Variants in ANKRD6 observed in about 807,000 individuals in gnomAD.
The protein encoded by ANKRD6 is ankyrin repeat domain-containing protein 6.
ANKRD6 carries 56 observed loss-of-function variants against 82.3 expected under a neutral mutation model. That is an observed-to-expected ratio of 0.68 (90% CI 0.55 to 0.85). The LOEUF (loss-of-function observed/expected upper bound fraction) is 0.85, where lower values mean the gene tolerates loss of function less well. Ranked by LOEUF, ANKRD6 falls within the 40% of genes least tolerant of loss-of-function variation. ANKRD6 has a pLI of 0.00. For missense variants in ANKRD6, 852 were observed against 907.6 expected (o/e 0.94, Z 0.79); for synonymous variants, 347 against 352.1 (o/e 0.99, Z 0.16).
chr6:89,523,216 G>A (rs1406949159), intron 1 of ANKRD6, among the ~76,000 whole-genome samples: 1 of 152,214 alleles, frequency 6.6e-6, no homozygotes, highest in Non-Finnish European at 1.5e-5. Context: ...CGTTAGACAA[G>A]ATTAGCATCT....
chr6:89,627,791 A>T lies in ANKRD6; in HGVS notation c.1485+95A>T, dbSNP rs1359609669. Reference sequence around the variant, plus strand: ...TGCCACTGAAAACTCAGAGGCTGAGACTCCCTAAGAGCTTTTACATTATAT... The same window carrying T: ...TGCCACTGAAAACTCAGAGGCTGAGTCTCCCTAAGAGCTTTTACATTATAT... On this transcript the variant is annotated intron_variant, in intron 14 of 15. Coordinates refer to ENST00000339746, the MANE Select transcript of ANKRD6 (RefSeq NM_001242809.2). The T allele has an allele frequency of 6.0e-6, 6 of 993,086 alleles. No individual in the cohort carries two copies. The Admixed American group carries it at 1.3e-4, about 21-fold the overall frequency. 61.5% of individuals were successfully genotyped at this position (993,086 alleles called of 1,614,324 possible).
intron 1 of ANKRD6, among the ~76,000 whole-genome samples, chr6:89,466,891 G>A (rs140751986): frequency 4.6e-5 from 7 of 152,214 alleles, no homozygotes; most frequent in African/African-American, 1.4e-4. Flanking sequence ...TCTTTTTATA[G>A]AAATGGGGTC....
chr6:89,583,617 A>G (rs975530228), intron 2 of ANKRD6, among the ~76,000 whole-genome samples: 1 of 152,114 alleles, frequency 6.6e-6, no homozygotes, highest in Admixed American at 6.5e-5. Flanking sequence ...ATTGAGGAGA[A>G]CAAGCTTCAG....
intron 1 of ANKRD6, among the ~76,000 whole-genome samples, chr6:89,539,741 C>CTTTTTTTTTTTTTTTTTTTTT (rs570865099): frequency 7.0e-6 from 1 of 142,658 alleles, no homozygotes; most frequent in Admixed American, 7.1e-5. Flanking sequence ...AGGTCTTATT[C>CTTTTTTTTTTTTTTTTTTTTT]TTTTTTTTTT....
chr6:89,496,637 C>G (rs138651827), intron 1 of ANKRD6, among the ~76,000 whole-genome samples: 1 of 152,122 alleles, frequency 6.6e-6, no homozygotes, highest in Non-Finnish European at 1.5e-5. Flanking sequence ...ATTCTCCTGC[C>G]TCAGCCTCCC....
At chr6:89,512,518 C>T (rs997898646) in intron 1 of ANKRD6, among the ~76,000 whole-genome samples, 5 of 152,146 alleles carry the variant, frequency 3.3e-5, no homozygotes, top group African/African-American at 4.8e-5. Context: ...TTTGGGGATC[C>T]CATACTGTCA....
chr6:89,556,361 A>G (rs1786600914), intron 1 of ANKRD6, among the ~76,000 whole-genome samples: 1 of 152,272 alleles, frequency 6.6e-6, no homozygotes, highest in South Asian at 2.1e-4. Flanking sequence ...GTCAAGTTAA[A>G]GAAATCCCAA....
At chr6:89,508,096 T>G (rs1327688098) in intron 1 of ANKRD6, among the ~76,000 whole-genome samples, 1 of 152,246 alleles carries the variant, frequency 6.6e-6, no homozygotes, top group Non-Finnish European at 1.5e-5. Context: ...CCTGTATTCA[T>G]TATTTATTGC....
chr6:89,461,679 T>C (rs1774160247), intron 1 of ANKRD6, among the ~76,000 whole-genome samples: 1 of 152,204 alleles, frequency 6.6e-6, no homozygotes, highest in African/African-American at 2.4e-5. Flanking sequence ...CTCTCTAGTG[T>C]ATTAGATAAG....
chr6:89,472,707 C>T (rs1181630705), intron 1 of ANKRD6, among the ~76,000 whole-genome samples: 1 of 152,160 alleles, frequency 6.6e-6, no homozygotes, highest in African/African-American at 2.4e-5. Context: ...AAAGACCACT[C>T]AGTCTCACTG....
intron 1 of ANKRD6, among the ~76,000 whole-genome samples, chr6:89,519,983 C>T (rs1231981135): frequency 6.6e-6 from 1 of 152,222 alleles, no homozygotes; most frequent in Admixed American, 6.5e-5. Context: ...TTTGGTACCT[C>T]TTTTCATTTC....
intron 1 of ANKRD6, among the ~76,000 whole-genome samples, chr6:89,458,297 A>G (rs1270751401): frequency 1.3e-5 from 2 of 152,218 alleles, no homozygotes; most frequent in Non-Finnish European, 2.9e-5. Context: ...TGTGTGCATT[A>G]GGTTTCTTTA....
At position 89,623,846 on chromosome 6, in the gene ANKRD6, G is replaced by T. The variant is rs764457224; in HGVS notation, c.1033-26G>T. ...GTCTTGCAGAGGTCAAAGCGTTCAG[G>T]GGTGTTGTCTCTTCCTCTCTTACAG... On this transcript the variant is annotated intron_variant, in intron 11 of 15. Transcript: ENST00000339746. The T allele has an allele frequency of 3.7e-6, 6 of 1,601,644 alleles. No individual in the cohort carries two copies. In the East Asian group the frequency reaches 1.1e-4, roughly 30 times the overall value.
At chr6:89,618,610 A>G (rs377483479) in intron 9 of ANKRD6, among the ~76,000 whole-genome samples, 15 of 152,220 alleles carry the variant, frequency 9.9e-5, no homozygotes, top group African/African-American at 3.6e-4. Context: ...CAATAAAGAA[A>G]TGTCATAATA....
chr6:89,442,361 C>T (rs924966857), intron 1 of ANKRD6, among the ~76,000 whole-genome samples: 3 of 151,900 alleles, frequency 2.0e-5, no homozygotes, highest in Non-Finnish European at 2.9e-5. Flanking sequence ...AGGTGGCTCA[C>T]GCCTATAGTC....
At chr6:89,616,808 G>A (rs1007432974) in intron 8 of ANKRD6, 151 bp downstream of exon 8, 54 of 784,170 alleles carry the variant, frequency 6.9e-5, no homozygotes, top group Non-Finnish European at 1.1e-4. Context: ...CCATTGGGGT[G>A]GACTTGAAGG....
At chr6:89,613,753 C>T in intron 6 of ANKRD6, 39 bp from the exon 7 acceptor site, 1 of 1,574,968 alleles carries the variant, frequency 6.3e-7, no homozygotes, top group Non-Finnish European at 8.7e-7. Context: ...TGTTTTGTAA[C>T]TGCTCAGATT....
At chr6:89,606,459 C>T (rs6454765) in intron 5 of ANKRD6, among the ~76,000 whole-genome samples, 84,000 of 151,918 alleles carry the variant, frequency 0.55, 24,673 homozygotes, top group East Asian at 0.65. Flanking sequence ...ATGCTAATAC[C>T]GAAAATTAGT....
intron 1 of ANKRD6, among the ~76,000 whole-genome samples, chr6:89,490,090 T>G (rs2127837371): frequency 6.6e-6 from 1 of 152,352 alleles, no homozygotes; most frequent in East Asian, 1.9e-4. Context: ...CACCTTGCAT[T>G]TACATGGGCA....
Sources: gnomAD v4.1 joint callset for allele counts (sites outside exome capture counted in the v4.1 genomes callset) on GRCh38, gnomAD v4.1.1 for gene constraint, MANE v1.5 for transcripts, NCBI Gene and HGNC (gene_info 2026-07-23, HGNC 2026-07-21) for gene names.